Variants in JAG2 observed in about 807,000 individuals in gnomAD.
The protein encoded by JAG2 is protein jagged-2.
A neutral mutation model predicts 141.7 loss-of-function variants in JAG2; 46 were observed. That is an observed-to-expected ratio of 0.32 (90% CI 0.26 to 0.42). The LOEUF (loss-of-function observed/expected upper bound fraction) is 0.42. Among genes scored for constraint, JAG2 ranks in the 10% least tolerant of loss-of-function variants. The probability of loss-of-function intolerance (pLI) is 1.00; values close to 1 mark genes in which losing one functional copy is unlikely to be tolerated. For synonymous variants in JAG2, 862 were observed against 763.5 expected (o/e 1.13, Z -2.13); for missense variants, 1,500 against 1,817.5 (o/e 0.83, Z 3.18).
At chr14:105,155,154 A>C (rs929247297) in intron 5 of JAG2, among the ~76,000 whole-genome samples, 2 of 151,074 alleles carry the variant, frequency 1.3e-5, no homozygotes, top group Non-Finnish European at 2.9e-5. Context: ...TGCAGGCCTC[A>C]GCTCCCACCA....
At chr14:105,156,018 C>A in intron 3 of JAG2, 29 bp from the exon 4 acceptor site, 7 of 1,595,980 alleles carry the variant, frequency 4.4e-6, no homozygotes, top group Non-Finnish European at 5.9e-6. Context: ...TCAGCACAGG[C>A]CAGAGAAACC....
In JAG2 at chr14:105,150,640, G is replaced by A. The variant is rs1361731289; in HGVS notation, c.1566C>T (p.Cys522=). ...GCCCGGAGAAGCCCTGGGGGCAGTG[G>A]CAGTGGAAGCCGTCGGCCAGGTCCT... The part of the protein sequence containing the change: ...LCEDLADGFH[C]HCPQGFSGPL... The change falls in exon 12 of 26, where the codon TGC becomes TGT. Residue 522 remains cysteine (C), a synonymous_variant. Coordinates refer to ENST00000331782, the MANE Select transcript of JAG2 (RefSeq NM_002226.5). The A allele has an allele frequency of 1.3e-6, 2 of 1,549,522 alleles. No homozygotes were observed. The highest frequency in any genetic ancestry group is 1.4e-5 in the African/African-American group (1 of 73,026).
At chr14:105,162,654 G>C (rs587615427) in intron 2 of JAG2, among the ~76,000 whole-genome samples, 1 of 145,316 alleles carries the variant, frequency 6.9e-6, no homozygotes, top group Non-Finnish European at 1.5e-5. Flanking sequence ...AAGGTCCAGG[G>C]CACCTTAAAG....
In JAG2 at chr14:105,167,717, A is replaced by G. The variant is rs1888963197; in HGVS notation, c.417+40T>C. 1 of 1,393,760 alleles carries G rather than the reference A, an allele frequency of 7.2e-7. No individual in the cohort carries two copies. The highest frequency in any genetic ancestry group is 9.3e-7 in the Non-Finnish European group (1 of 1,072,810). The allele number at this position is 1,393,760 out of a possible 1,614,324, so 86.3% of individuals were successfully genotyped here. ...GCGCGCGGGGCCGGGGCGCGGAGAG[A>G]GAGGGAAGGGCTGGAGCACGAGGGA... On this transcript the variant is annotated intron_variant, in intron 2 of 25. Coordinates refer to ENST00000331782, the MANE Select transcript of JAG2 (RefSeq NM_002226.5). The surrounding 1 kb of genome is among the most constrained non-coding windows in gnomAD (Gnocchi z 4.8).
At chr14:105,165,444 G>T (rs1888880115) in intron 2 of JAG2, among the ~76,000 whole-genome samples, 1 of 152,194 alleles carries the variant, frequency 6.6e-6, no homozygotes, top group Admixed American at 6.5e-5. Flanking sequence ...GGGGACGTCT[G>T]GGGGTGGAGC....
chr14:105,156,455 C>T (rs1234126782), intron 3 of JAG2, among the ~76,000 whole-genome samples: 1 of 152,136 alleles, frequency 6.6e-6, no homozygotes, highest in African/African-American at 2.4e-5. Context: ...GACTTGCTCC[C>T]AGAAGTGCCA....
chr14:105,151,184 C>A, intron 9 of JAG2, 80 bp from the exon 10 acceptor site: 1 of 1,384,034 alleles, frequency 7.2e-7, no homozygotes, highest in Non-Finnish European at 9.9e-7. Context: ...CACCCGCAGC[C>A]CAGCAGCCCC....
At chr14:105,146,766 G>C in intron 20 of JAG2, 42 bp from the exon 21 acceptor site, 4 of 1,485,926 alleles carry the variant, frequency 2.7e-6, no homozygotes, top group Non-Finnish European at 3.7e-6. Flanking sequence ...TGAGGCCAAC[G>C]CCCACCGCAG....
At position 105,167,863 on chromosome 14, in the gene JAG2, TAGA is replaced by T. The variant is rs1566773427; in HGVS notation, c.308_310del (p.Phe103del). The T allele has an allele frequency of 4.5e-6, 7 of 1,556,784 alleles. No individual in the cohort carries two copies. Among genetic ancestry groups the T allele is most frequent in the African/African-American group, 1.4e-5 (1 of 69,668 alleles). On this transcript the variant is annotated inframe_deletion, in exon 2 of 26. Coordinates refer to ENST00000331782, the MANE Select transcript of JAG2 (RefSeq NM_002226.5). This position sits in a 1 kb window ranked among gnomAD's most constrained non-coding sequence, Gnocchi z 4.8. ...CCCCGCAGCGCCCGCCGGCGGCAGG[TAGA>T]AGGAGTTGCCGCCCAGCACGGGCGT...
chr14:105,168,235 G>T, intron 1 of JAG2, 120 bp downstream of exon 1: 2 of 687,326 alleles, frequency 2.9e-6, no homozygotes, highest in Non-Finnish European at 3.5e-6. Flanking sequence ...AGCCCCAGCC[G>T]CCGCGCGCAG....
intron 1 of JAG2, 75 bp from the exon 2 acceptor site, chr14:105,168,182 A>C: frequency 7.9e-7 from 1 of 1,273,824 alleles, no homozygotes; most frequent in Non-Finnish European, 1.0e-6. Context: ...GGGTGGGGGA[A>C]CAGGCCCCGC....
chr14:105,157,115 CT>C (rs954480960), intron 3 of JAG2, among the ~76,000 whole-genome samples: 3 of 152,202 alleles, frequency 2.0e-5, no homozygotes, highest in Non-Finnish European at 4.4e-5. Context: ...GGTCTGTGTC[CT>C]GGCCCCACAG....
chr14:105,152,742 C>T (rs995418630), intron 5 of JAG2, among the ~76,000 whole-genome samples: 1 of 152,166 alleles, frequency 6.6e-6, no homozygotes, highest in Non-Finnish European at 1.5e-5. Flanking sequence ...CACGTGCCCT[C>T]GCCCCCACCT....
Position 105,152,056 on chromosome 14 carries a change from G to A in JAG2, c.921C>T (p.Asp307=). The change falls in exon 7 of 26, where the codon GAC becomes GAT. Residue 307 remains aspartate, a splice_region_variant and synonymous_variant. Transcript: ENST00000331782. ...GGTGGTGGCTGCCACAGTAGTTCAG[G>A]TCTGGGGGCAGGGGTGGGATGCTCA... ...TNWGGLLCDK[D]LNYCGSHHPC... is the part of the protein sequence containing the mutation. The A allele has an allele frequency of 8.7e-6, 14 of 1,613,260 alleles. No individual in the cohort carries two copies. Among genetic ancestry groups the A allele is most frequent in the Non-Finnish European group, 1.2e-5 (14 of 1,179,936 alleles).
intron 17 of JAG2, 42 bp downstream of exon 17, chr14:105,148,074 G>A (rs1403995925): frequency 6.8e-7 from 1 of 1,470,156 alleles, no homozygotes; most frequent in Non-Finnish European, 9.3e-7. Flanking sequence ...TGCCTGGGAG[G>A]GCATATGCCC....
Position 105,144,914 on chromosome 14 carries a change from C to G in JAG2, c.3084+16G>C. On this transcript the variant is annotated intron_variant, in intron 24 of 25. Transcript: ENST00000331782. ...CCCAGGGCCCACCCAGGTGCTGCTC[C>G]CCACTGGGCACTCACCACGGCCACC... The G allele has an allele frequency of 6.3e-7, 1 of 1,597,186 alleles. No homozygotes were observed. The highest frequency in any genetic ancestry group is 8.5e-7 in the Non-Finnish European group (1 of 1,176,108).
intron 15 of JAG2, 123 bp downstream of exon 15, chr14:105,148,622 C>G (rs919051478): frequency 3.0e-6 from 3 of 989,724 alleles, no homozygotes; most frequent in Non-Finnish European, 4.5e-6. Flanking sequence ...GGTGGCAGCA[C>G]CCCCTGGCCA....
In JAG2 at chr14:105,167,558, C is replaced by T. The variant is rs1888956725; in HGVS notation, c.417+199G>A. 6.8e-6 allele frequency among the ~76,000 whole-genome samples: 1 copy of T among 147,222 alleles called. No homozygotes were observed. The highest frequency in any genetic ancestry group is 6.7e-5 in the Admixed American group (1 of 14,838). On this transcript the variant is annotated intron_variant, in intron 2 of 25. Coordinates refer to ENST00000331782, the MANE Select transcript of JAG2 (RefSeq NM_002226.5). The surrounding 1 kb of genome is among the most constrained non-coding windows in gnomAD (Gnocchi z 4.8). ...CCCGCCGCGACCCCGCTCCCGGTGG[C>T]CCCGGGGCCCCGGCGCGCCCACGTG... is the stretch of plus-strand genomic sequence containing the variant.
At chr14:105,165,454 C>A (rs587647682) in intron 2 of JAG2, among the ~76,000 whole-genome samples, 1 of 152,170 alleles carries the variant, frequency 6.6e-6, no homozygotes, top group South Asian at 2.1e-4. Context: ...GGGGGTGGAG[C>A]CAGGAGAGGA....
Sources: gnomAD v4.1 joint callset for allele counts (sites outside exome capture counted in the v4.1 genomes callset) on GRCh38, gnomAD v4.1.1 for gene constraint, Gnocchi (gnomAD v3.1) non-coding constraint, MANE v1.5 for transcripts, NCBI Gene and HGNC (gene_info 2026-07-23, HGNC 2026-07-21) for gene names.